Variants in C12orf42 observed in about 807,000 individuals in gnomAD.
C12orf42 encodes chromosome 12 open reading frame 42, also known as uncharacterized protein C12orf42.
In C12orf42, 25 loss-of-function variants were observed where a neutral mutation model predicts 21.6. That is an observed-to-expected ratio of 1.16 (90% CI 0.84 to 1.62). The LOEUF (loss-of-function observed/expected upper bound fraction) is 1.62. C12orf42 is among the 40% of genes most tolerant of loss of function. The pLI, the probability that C12orf42 is intolerant of heterozygous loss-of-function variation, is 0.00. For synonymous variants in C12orf42, 174 were observed against 175.0 expected (o/e 0.99, Z 0.05); for missense variants, 483 against 459.3 (o/e 1.05, Z -0.47).
intron 4 of C12orf42, among the ~76,000 whole-genome samples, chr12:103,335,875 A>G (rs907574844): frequency 1.6e-4 from 24 of 152,250 alleles, no homozygotes; most frequent in Non-Finnish European, 1.3e-4. Flanking sequence ...TTAGCTCCAG[A>G]CACAATGACA....
At chr12:103,351,891 C>T (rs1402562545) in intron 4 of C12orf42, among the ~76,000 whole-genome samples, 1 of 152,074 alleles carries the variant, frequency 6.6e-6, no homozygotes, top group Admixed American at 6.6e-5. Context: ...TTAAAAGCCT[C>T]TTTTCTTAAC....
At chr12:103,274,202 A>C (rs2136276901) in intron 5 of C12orf42, among the ~76,000 whole-genome samples, 1 of 152,326 alleles carries the variant, frequency 6.6e-6, no homozygotes, top group Admixed American at 6.5e-5. Context: ...TAAGTAATAC[A>C]GCCAAGGCAA....
rs1952781617 is a variant in C12orf42, at chr12:103,401,521, A to G, written c.147+86T>C. On this transcript the variant is annotated intron_variant, in intron 3 of 5. Transcript: ENST00000548883. ...TAGCTATAAAGTCAAAAATACAAAG[A>G]AACAAATCTGCTTACATGTAAAGCA... The G allele has an allele frequency of 1.4e-5, 16 of 1,121,354 alleles. No homozygotes were observed. In the South Asian group the frequency reaches 2.3e-4, roughly 16 times the overall value. 69.5% of individuals were successfully genotyped at this position (1,121,354 alleles called of 1,614,324 possible).
chr12:103,501,561 A>G, the C12orf42 span, among the ~76,000 whole-genome samples: 9 of 152,142 alleles, frequency 5.9e-5, no homozygotes, highest in Non-Finnish European at 7.4e-5. Context: ...GCCCTTTCCC[A>G]TGTCATATTT....
chr12:103,254,491 C>T (rs1464290806), intron 10 of C12orf42, among the ~76,000 whole-genome samples: 1 of 152,074 alleles, frequency 6.6e-6, no homozygotes, highest in Non-Finnish European at 1.5e-5. Flanking sequence ...ACCAAAACAG[C>T]ATAGTGCTGG....
At chr12:103,117,005 C>G in the C12orf42 span, among the ~76,000 whole-genome samples, 1 of 152,088 alleles carries the variant, frequency 6.6e-6, no homozygotes, top group Non-Finnish European at 1.5e-5. Context: ...ATTAGCATAT[C>G]CATCATCTCA....
rs765087581 is a variant in C12orf42, at chr12:103,306,129, T to C, written c.476A>G (p.Lys159Arg). ...ETEERARGAPKQAWNSSFLEQ... is the reference protein window; with the variant it reads ...ETEERARGAPRQAWNSSFLEQ... ...CAAAAATGAACTGTTCCAAGCCTGC[T>C]TGGGTGCTCCTCTGGCTCTCTCCTC... Residue 159 changes from lysine to arginine, a missense_variant, in exon 5 of 6, where the codon AAG (lysine) becomes AGG (arginine). Transcript: ENST00000548883. 2.5e-6 allele frequency: 4 copies of C among 1,613,972 alleles called. No homozygotes were observed. In the South Asian group the frequency reaches 4.4e-5, roughly 18 times the overall value.
the C12orf42 span, among the ~76,000 whole-genome samples, chr12:103,199,698 C>T: frequency 6.6e-6 from 1 of 152,054 alleles, no homozygotes. Flanking sequence ...CACAATTGAA[C>T]ACCAGGTGTA....
In C12orf42 at chr12:103,465,400, T is replaced by G. The variant is rs183649510; in HGVS notation, c.78+12949A>C. On this transcript the variant is annotated intron_variant, in intron 2 of 5. Transcript: ENST00000548883. ...ATGATTCATTATTTGGCTCTCTGCT[T>G]GTCAATTGTTGGTGTATAGGAATGC... Among the ~76,000 whole-genome samples, 228 of 152,312 alleles carry G rather than the reference T, an allele frequency of 1.5e-3. 2 individuals are homozygous for G. Among genetic ancestry groups the G allele is most frequent in the African/African-American group, 5.2e-3 (218 of 41,564 alleles).
the C12orf42 span, among the ~76,000 whole-genome samples, chr12:103,206,519 A>AT: frequency 8.0e-4 from 81 of 101,126 alleles, no homozygotes; most frequent in Middle Eastern, 5.7e-3. Context: ...CCTTTTCTAT[A>AT]TTACACACAC....
intron 6 of C12orf42, among the ~76,000 whole-genome samples, chr12:103,269,413 T>A (rs1272601099): frequency 6.6e-6 from 1 of 152,138 alleles, no homozygotes; most frequent in Non-Finnish European, 1.5e-5. Context: ...TCATATTGTG[T>A]TTCATCCCCT....
the C12orf42 span, among the ~76,000 whole-genome samples, chr12:103,507,178 T>TTA: frequency 0.048 from 1,172 of 24,230 alleles, 236 homozygotes; most frequent in African/African-American, 0.31. Flanking sequence ...TATATTTATA[T>TTA]TATATATAAT....
At chr12:103,180,992 G>A in the C12orf42 span, among the ~76,000 whole-genome samples, 123 of 152,048 alleles carry the variant, frequency 8.1e-4, no homozygotes, top group African/African-American at 2.8e-3. Context: ...GGTTGGGTGC[G>A]GTGGGTCACG....
the C12orf42 span, among the ~76,000 whole-genome samples, chr12:103,070,832 T>C: frequency 1.3e-5 from 2 of 152,166 alleles, no homozygotes; most frequent in South Asian, 4.1e-4. Flanking sequence ...AAGGATTTCA[T>C]GAAAGTGAGT....
chr12:103,415,106 AAGAGT>A (rs1284494824), intron 2 of C12orf42, among the ~76,000 whole-genome samples: 2 of 152,180 alleles, frequency 1.3e-5, no homozygotes, highest in Non-Finnish European at 2.9e-5. Flanking sequence ...ACAACAAAAA[AAGAGT>A]AGAGACAGCT....
intron 4 of C12orf42, among the ~76,000 whole-genome samples, chr12:103,319,077 C>T (rs901157776): frequency 2.0e-5 from 3 of 152,182 alleles, no homozygotes; most frequent in African/African-American, 7.2e-5. Context: ...CACTTCAGAA[C>T]ATACATTTTC....
At chr12:103,234,210 A>T (rs2033396943), downstream of C12orf42, among the ~76,000 whole-genome samples, 1 of 152,130 alleles carries the variant, frequency 6.6e-6, no homozygotes, top group South Asian at 2.1e-4. Flanking sequence ...CTAATTTTTA[A>T]AAGTTTGTTG....
At chr12:103,432,916 T>G (rs528065572) in intron 2 of C12orf42, among the ~76,000 whole-genome samples, 1 of 152,324 alleles carries the variant, frequency 6.6e-6, no homozygotes, top group South Asian at 2.1e-4. Flanking sequence ...AAATGTCTGT[T>G]GTTTAAGCCA....
At chr12:103,432,660 T>A (rs988636743) in intron 2 of C12orf42, among the ~76,000 whole-genome samples, 11 of 152,232 alleles carry the variant, frequency 7.2e-5, no homozygotes, top group Non-Finnish European at 5.9e-5. Flanking sequence ...CTTTAGGTTG[T>A]GACTACTTAG....
Sources: gnomAD v4.1 joint callset for allele counts (sites outside exome capture counted in the v4.1 genomes callset) on GRCh38, gnomAD v4.1.1 for gene constraint, MANE v1.5 for transcripts, NCBI Gene and HGNC (gene_info 2026-07-23, HGNC 2026-07-21) for gene names.